The following WDR90 variants were observed in gnomAD, a reference collection of about 807,000 sequenced individuals.
WDR90 encodes WD repeat domain 90.
WDR90 carries 238 observed loss-of-function variants against 195.2 expected under a neutral mutation model. That is an observed-to-expected ratio of 1.22 (90% confidence interval 1.10 to 1.36). WDR90 has a LOEUF of 1.36. Ranked by LOEUF, WDR90 falls within the 40% of genes most tolerant of loss-of-function variation. The probability of loss-of-function intolerance (pLI) is 0.00; values close to 1 mark genes in which losing one functional copy is unlikely to be tolerated. For synonymous variants in WDR90, 1,265 were observed against 1,052.4 expected (o/e 1.20, Z -3.91); for missense variants, 2,734 against 2,439.5 (o/e 1.12, Z -2.54).
intron 21 of WDR90, 70 bp downstream of exon 21, chr16:657,962 G>T: frequency 6.7e-7 from 1 of 1,482,820 alleles, no homozygotes; most frequent in South Asian, 1.3e-5. Context: ...GCAGGAGGGA[G>T]GTCACGGCCA....
rs1455556215 is a variant in WDR90, at chr16:655,829, T to C, written c.1906T>C (p.Ser636Pro). Residue 636 changes from serine (S) to proline (P), a missense_variant, in exon 17 of 41, where the codon TCT becomes CCT. Transcript: ENST00000293879. Reference sequence around the variant, plus strand: ...CTCCCCGGCCATGTGTGCTGTGGGCTCTGAGGACGGCTTCTTGCGGCTCTG... The same window carrying C: ...CTCCCCGGCCATGTGTGCTGTGGGCCCTGAGGACGGCTTCTTGCGGCTCTG... Reference protein sequence around the residue: ...SVSPAMCAVGSEDGFLRLWPL... With the variant: ...SVSPAMCAVGPEDGFLRLWPL... The C allele has an allele frequency of 6.3e-7, 1 of 1,598,084 alleles. No individual in the cohort carries two copies. Among genetic ancestry groups the C allele is most frequent in the Non-Finnish European group, 8.5e-7 (1 of 1,174,200 alleles).
At chr16:658,862 C>T (rs1174885382) in intron 23 of WDR90, 34 bp from the exon 24 acceptor site, 1 of 1,607,080 alleles carries the variant, frequency 6.2e-7, no homozygotes, top group African/African-American at 1.3e-5. Context: ...CATGCCCCGC[C>T]TCGGGGTCCT....
At chr16:657,403 G>A in intron 20 of WDR90, 182 bp downstream of exon 20, 2 of 1,031,794 alleles carry the variant, frequency 1.9e-6, no homozygotes, top group Non-Finnish European at 1.4e-6. Flanking sequence ...AGCGTTCACT[G>A]GACCCCAAGG....
In WDR90 at chr16:657,770, G is replaced by T. The variant is rs1307150138; in HGVS notation, c.2482G>T (p.Val828Leu). Residue 828 changes from valine (V) to leucine (L), a missense_variant, in exon 21 of 41, where the codon GTA (valine) becomes TTA (leucine). Coordinates refer to ENST00000293879, the MANE Select transcript of WDR90 (RefSeq NM_145294.5). The stretch of plus-strand genomic sequence containing the variant: ...GCCCCGTGTGGCCACAGCGGACATG[G>T]TATGCCCGGATGCCCCCGCGAGCCC... ...WHVLRVAADM[V>L]CPDAPASPSA... The T allele has an allele frequency of 1.9e-6, 3 of 1,548,554 alleles. No homozygotes were observed. The South Asian group carries it at 3.6e-5, about 18-fold the overall frequency.
At chr16:650,478 A>C (rs2037622077) in intron 4 of WDR90, 61 bp from the exon 5 acceptor site, 1 of 1,586,050 alleles carries the variant, frequency 6.3e-7, no homozygotes. Flanking sequence ...ACAAGCTCAC[A>C]GTTCTGGGAG....
chr16:650,265 C>A lies in WDR90; in HGVS notation c.291C>A (p.Val97=). 6.2e-7 allele frequency: 1 copy of A among 1,612,916 alleles called. No homozygotes were observed. Among genetic ancestry groups the A allele is most frequent in the Non-Finnish European group, 8.5e-7 (1 of 1,179,912 alleles). ...CTCCGTCCCCACAGGACAACCAAGT[C>A]ATCCGTGTGTCTTTCTCCAACCTCT... The part of the protein sequence containing the change: ...HLDVSSKDNQ[V]IRVSFSNLFK... The change falls in exon 4 of 41, where the codon GTC becomes GTA. Residue 97 remains valine (V), a synonymous_variant. Transcript: ENST00000293879.
chr16:658,653 G>C lies in WDR90; in HGVS notation c.2895G>C (p.Gln965His). 1 of 1,607,314 alleles carries C rather than the reference G, an allele frequency of 6.2e-7. No homozygotes were observed. The highest frequency in any genetic ancestry group is 1.1e-5 in the South Asian group (1 of 90,954). ...CCACACAGGCCAGCCCAGGCCCCCA[G>C]GTGTGTGCGTGGGGAGGCAGGTGGC... The part of the protein sequence containing the change: ...DYATQASPGP[Q>H]VYIGHSEPVQ... Residue 965 changes from glutamine to histidine, a missense_variant and splice_region_variant, in exon 23 of 41, where the codon CAG becomes CAC. Transcript: ENST00000293879.
chr16:661,405 G>T lies in WDR90; in HGVS notation c.3577G>T (p.Val1193Leu). 6.2e-7 allele frequency: 1 copy of T among 1,612,046 alleles called. No homozygotes were observed. Among genetic ancestry groups the T allele is most frequent in the Non-Finnish European group, 8.5e-7 (1 of 1,179,866 alleles). ...TAHCQIRVWD[V>L]SGGLCQHLIF... The stretch of plus-strand genomic sequence containing the variant: ...CCATTGTCAGATCCGCGTCTGGGAC[G>T]TGTCTGGCGGCCTCTGCCAGCATCT... The change falls in exon 30 of 41, where the codon GTG becomes TTG. Residue 1193 changes from valine (V) to leucine (L), a missense_variant. By Grantham distance (32) the Val-to-Leu change is conservative. Coordinates refer to ENST00000293879, the MANE Select transcript of WDR90 (RefSeq NM_145294.5).
chr16:656,553 G>A lies in WDR90; in HGVS notation c.2202+16G>A. On this transcript the variant is annotated intron_variant, in intron 18 of 40. Coordinates refer to ENST00000293879, the MANE Select transcript of WDR90 (RefSeq NM_145294.5). ...CCTGCAGCAGGTGGGGTTTGGCAGG[G>A]GCAGCACGGCAGGGAGGGCCGGGAG... is the stretch of plus-strand genomic sequence containing the variant. The A allele has an allele frequency of 6.4e-7, 1 of 1,561,836 alleles. No homozygotes were observed. The highest frequency in any genetic ancestry group is 8.7e-7 in the Non-Finnish European group (1 of 1,154,640).
At chr16:656,665 G>A in intron 18 of WDR90, 67 bp from the exon 19 acceptor site, 1 of 1,576,794 alleles carries the variant, frequency 6.3e-7, no homozygotes, top group South Asian at 1.2e-5. Flanking sequence ...ATGGGTTTGG[G>A]CCGCCTGGAG....
chr16:654,547 ATT>A (rs35313082), intron 13 of WDR90: 6,686 of 151,306 alleles, frequency 0.044, 480 homozygotes, highest in African/African-American at 0.15. Context: ...TGCCTGGCTA[ATT>A]TTTTTTTTTT....
rs771898477 is a variant in WDR90, at chr16:659,311, C to T, written c.3119C>T (p.Pro1040Leu). 1 of 1,600,488 alleles carries T rather than the reference C, an allele frequency of 6.2e-7. No individual in the cohort carries two copies. Among genetic ancestry groups the T allele is most frequent in the Non-Finnish European group, 8.5e-7 (1 of 1,174,608 alleles). ...AGCGAGCTCCCCCGGCAGCAGGTCC[C>T]CAAGCCATGTCAGGCATCTCCACCA... Reference protein sequence around the residue: ...RASELPRQQVPKPCQASPPRL... With the variant: ...RASELPRQQVLKPCQASPPRL... The change falls in exon 26 of 41, where the codon CCC (proline) becomes CTC (leucine). Residue 1040 changes from proline (P) to leucine (L), a missense_variant. Pro to Leu is a moderately conservative substitution (Grantham distance 98). Coordinates refer to ENST00000293879, the MANE Select transcript of WDR90 (RefSeq NM_145294.5).
In WDR90 at chr16:661,588, C is replaced by A. The variant is rs767136855; in HGVS notation, c.3674-9C>A. Reference sequence around the variant, plus strand: ...TGCACCTGACGTGGCTGCTCTGTGTCCTTCCCAGGGGACCACGATGGCCGC... The same window carrying A: ...TGCACCTGACGTGGCTGCTCTGTGTACTTCCCAGGGGACCACGATGGCCGC... On this transcript the variant is annotated splice_polypyrimidine_tract_variant and intron_variant, in intron 30 of 40. Coordinates refer to ENST00000293879, the MANE Select transcript of WDR90 (RefSeq NM_145294.5). The A allele has an allele frequency of 6.3e-7, 1 of 1,582,700 alleles. No homozygotes were observed. The highest frequency in any genetic ancestry group is 1.7e-5 in the Admixed American group (1 of 58,136).
chr16:656,894 GC>G, intron 19 of WDR90, 23 bp downstream of exon 19: 1 of 1,607,796 alleles, frequency 6.2e-7, no homozygotes, highest in South Asian at 1.1e-5. Flanking sequence ...CTGGCCACCA[GC>G]CCCACGGAGA....
intron 5 of WDR90, 46 bp downstream of exon 5, chr16:650,755 C>T (rs1374419157): frequency 1.9e-6 from 3 of 1,589,082 alleles, no homozygotes; most frequent in Admixed American, 1.7e-5. Context: ...CACCCATGCT[C>T]TCAGCCCTGG....
chr16:659,788 C>T (rs1478272254), intron 26 of WDR90, among the ~76,000 whole-genome samples: 1 of 152,188 alleles, frequency 6.6e-6, no homozygotes, highest in Non-Finnish European at 1.5e-5. Context: ...CCCCGTTCCC[C>T]CGGCCAACCC....
In WDR90 at chr16:661,950, C is replaced by A. The variant is rs561870852; in HGVS notation, c.3924C>A (p.Tyr1308Ter). The change falls in exon 32 of 41, where the codon TAC (tyrosine) becomes TAA (stop). Residue 1308 changes from tyrosine to a stop codon, truncating the protein, a stop_gained. Transcript: ENST00000293879. LOFTEE classifies it high-confidence loss of function. ...CTGGAGAGCTGACCTCGCTCTGCTA[C>A]GGGGCACCTCCCCTGCTCTATTGTG... ...VGAGELTSLC[Y>*]GAPPLLYCGT... The A allele has an allele frequency of 6.2e-7, 1 of 1,608,030 alleles. No homozygotes were observed. The highest frequency in any genetic ancestry group is 1.7e-5 in the Admixed American group (1 of 60,012).
intron 34 of WDR90, chr16:663,106 T>G (rs2037951539): frequency 1.6e-6 from 1 of 627,554 alleles, no homozygotes; most frequent in Middle Eastern, 2.5e-4. Flanking sequence ...CTTTGCGTTT[T>G]TTTGTTTGTT....
chr16:660,626 T>C lies in WDR90; in HGVS notation c.3303T>C (p.Pro1101=). The C allele has an allele frequency of 6.4e-7, 1 of 1,570,022 alleles. No homozygotes were observed. ...CTTCCTCGCAGGGCACTTGCCCGCC[T>C]CCCGCCAGCGGTGGGTGGCTGCGTC... ...SPHSAKGTCP[P]PASGGWLRLK... is the part of the protein sequence containing the mutation. The change falls in exon 28 of 41, where the codon CCT becomes CCC. Residue 1101 remains proline (P), a synonymous_variant. Coordinates refer to ENST00000293879, the MANE Select transcript of WDR90 (RefSeq NM_145294.5).
Sources: allele counts gnomAD v4.1 joint callset (sites outside exome capture counted in the v4.1 genomes callset), GRCh38; gene constraint gnomAD v4.1.1; transcripts MANE v1.5; gene names NCBI Gene and HGNC (gene_info 2026-07-23, HGNC 2026-07-21).